NRXN3: variants seen among roughly 807,000 people sequenced by gnomAD.
The protein encoded by NRXN3 is neurexin 3.
Under a neutral mutation model 137.6 loss-of-function variants are expected in NRXN3, and 32 were observed. The observed-to-expected ratio is 0.23, with a 90% confidence interval of 0.18 to 0.31. The LOEUF (loss-of-function observed/expected upper bound fraction) is 0.31, where lower values mean the gene tolerates loss of function less well. Ranked by LOEUF, NRXN3 falls within the 10% of genes least tolerant of loss-of-function variation. The probability of loss-of-function intolerance (pLI) is 1.00; values close to 1 mark genes in which losing one functional copy is unlikely to be tolerated. For missense variants in NRXN3, 1,574 were observed against 2,062.5 expected (o/e 0.76, Z 4.59); for synonymous variants, 798 against 784.5 (o/e 1.02, Z -0.29).
intron 16 of NRXN3, among the ~76,000 whole-genome samples, chr14:79,601,625 G>T (rs2097922957): frequency 6.6e-6 from 1 of 152,126 alleles, no homozygotes; most frequent in African/African-American, 2.4e-5. Flanking sequence ...GTTTTCTGCA[G>T]CAGACTACAC....
chr14:78,423,584 G>C (rs1312387767), intron 4 of NRXN3, among the ~76,000 whole-genome samples: 1 of 152,194 alleles, frequency 6.6e-6, no homozygotes, highest in Admixed American at 6.5e-5. Context: ...GGAGACAGAA[G>C]TATGTTAATT....
chr14:78,960,162 G>A (rs1331379310), intron 11 of NRXN3, among the ~76,000 whole-genome samples: 3 of 152,058 alleles, frequency 2.0e-5, no homozygotes, highest in African/African-American at 4.8e-5. Flanking sequence ...ATTTTCAGAC[G>A]TGTCCCCCCA....
rs993034986 is a variant in NRXN3, at chr14:79,643,272, A to G, written c.3445-20506A>G. The stretch of plus-strand genomic sequence containing the variant: ...ATGCTATCTCACCACATCACAGTAT[A>G]GCTGCTACTATTCCTCCTGTCTTCC... On this transcript the variant is annotated intron_variant, in intron 16 of 20. Coordinates refer to ENST00000335750, the MANE Select transcript of NRXN3 (RefSeq NM_001330195.2). Among the ~76,000 whole-genome samples, 11 of 135,940 alleles carry G rather than the reference A, an allele frequency of 8.1e-5. 4 individuals carry two copies. The highest frequency in any genetic ancestry group is 1.2e-4 in the Non-Finnish European group (7 of 58,428). The allele number at this position is 135,940 out of a possible 152,430, so 89.2% of individuals were successfully genotyped here.
chr14:78,929,874 T>C (rs1218639444), intron 10 of NRXN3, among the ~76,000 whole-genome samples: 1 of 152,194 alleles, frequency 6.6e-6, no homozygotes, highest in Non-Finnish European at 1.5e-5. Flanking sequence ...TATTTCAATT[T>C]TCTCATGTCT....
intron 1 of NRXN3, among the ~76,000 whole-genome samples, chr14:78,173,237 C>T (rs1161192841): frequency 4.0e-5 from 6 of 151,438 alleles, no homozygotes; most frequent in African/African-American, 7.3e-5. Context: ...CCCTTTCTCT[C>T]GCTCCTGGAA....
At chr14:78,601,281 C>T (rs192361896) in intron 4 of NRXN3, among the ~76,000 whole-genome samples, 2 of 152,222 alleles carry the variant, frequency 1.3e-5, no homozygotes, top group East Asian at 3.9e-4. Context: ...TTTGCAATGA[C>T]TTCACTTTCC....
chr14:78,258,991 G>A (rs2070179235), intron 2 of NRXN3, among the ~76,000 whole-genome samples: 2 of 152,044 alleles, frequency 1.3e-5, no homozygotes, highest in South Asian at 2.1e-4. Flanking sequence ...AATTAGCTGG[G>A]CGTGGTGGCG....
intron 17 of NRXN3, among the ~76,000 whole-genome samples, chr14:79,673,751 A>C (rs2098624884): frequency 6.6e-6 from 1 of 152,086 alleles, no homozygotes; most frequent in Admixed American, 6.6e-5. Flanking sequence ...AGGATCCTCA[A>C]GTGTAGTTGA....
chr14:78,833,561 T>A (rs904362735), intron 10 of NRXN3, among the ~76,000 whole-genome samples: 3 of 152,158 alleles, frequency 2.0e-5, no homozygotes, highest in Non-Finnish European at 2.9e-5. Context: ...AAGAAAAGCA[T>A]CAAAAGAACT....
In NRXN3 at chr14:79,265,293, CA is replaced by C. The variant is rs2078298719; in HGVS notation, c.3263-201927del. On this transcript the variant is annotated intron_variant, in intron 15 of 20. Transcript: ENST00000335750. Reference sequence around the variant, plus strand: ...TTTTTCTTTAACTATAATGGAGGATCAGGGGCTGAGAAGAAAAGGCCAAGAG... The same window carrying C: ...TTTTTCTTTAACTATAATGGAGGATCGGGGCTGAGAAGAAAAGGCCAAGAG... Among the ~76,000 whole-genome samples the C allele has an allele frequency of 3.7e-5, 5 of 134,416 alleles. No individual in the cohort carries two copies. The South Asian group carries it at 7.3e-4, about 20-fold the overall frequency. The allele number at this position is 134,416 out of a possible 152,430, so 88.2% of individuals were successfully genotyped here.
At chr14:79,852,884 C>A (rs1603619832) in intron 20 of NRXN3, among the ~76,000 whole-genome samples, 1 of 151,064 alleles carries the variant, frequency 6.6e-6, no homozygotes, top group Non-Finnish European at 1.5e-5. Flanking sequence ...ATATATATAT[C>A]AATGTGTTTC....
At chr14:79,383,402 A>G (rs1306351555) in intron 15 of NRXN3, among the ~76,000 whole-genome samples, 2 of 152,174 alleles carry the variant, frequency 1.3e-5, no homozygotes, top group Admixed American at 6.6e-5. Flanking sequence ...TAATTTTACT[A>G]TGAATCCATC....
intron 10 of NRXN3, among the ~76,000 whole-genome samples, chr14:78,915,415 A>G (rs2099252728): frequency 6.7e-6 from 1 of 149,554 alleles, no homozygotes; most frequent in African/African-American, 2.4e-5. Context: ...AACAGAGGGA[A>G]CAAGAGTTTA....
At chr14:79,080,915 T>C (rs2046864380) in intron 15 of NRXN3, among the ~76,000 whole-genome samples, 1 of 152,208 alleles carries the variant, frequency 6.6e-6, no homozygotes. Flanking sequence ...CAGAAGGAAA[T>C]ATACATTATA....
chr14:79,387,587 A>G (rs1220422064), intron 15 of NRXN3, among the ~76,000 whole-genome samples: 2 of 152,252 alleles, frequency 1.3e-5, no homozygotes, highest in East Asian at 3.9e-4. Context: ...ATTTGACCCA[A>G]CCATCCCATT....
intron 6 of NRXN3, among the ~76,000 whole-genome samples, chr14:78,677,411 G>C (rs1369471705): frequency 6.6e-6 from 1 of 151,644 alleles, no homozygotes; most frequent in East Asian, 1.9e-4. Flanking sequence ...AGTAACTGCA[G>C]ATGTGGTGAA....
At position 79,223,042 on chromosome 14, in the gene NRXN3, G is replaced by A. The variant is rs1421945451; in HGVS notation, c.3262+234901G>A. 2.6e-5 allele frequency among the ~76,000 whole-genome samples: 4 copies of A among 152,072 alleles called. No individual in the cohort carries two copies. The East Asian group carries it at 5.8e-4, about 22-fold the overall frequency. ...CAACAATGAAATAACCAAAGCCTTA[G>A]TAATCTTAATTAGAGATTATCTTCT... On this transcript the variant is annotated intron_variant, in intron 15 of 20. Coordinates refer to ENST00000335750, the MANE Select transcript of NRXN3 (RefSeq NM_001330195.2).
chr14:78,809,677 G>C (rs7493455), intron 9 of NRXN3, among the ~76,000 whole-genome samples: 152,021 of 152,312 alleles, frequency 1, 75,865 homozygotes, highest in Non-Finnish European at 1. Context: ...GATGGCAAGT[G>C]TGCCTATGCA....
Position 79,738,303 on chromosome 14 carries a change from G to A in NRXN3, c.4014+40366G>A, listed in dbSNP as rs574794989. Among the ~76,000 whole-genome samples the A allele has an allele frequency of 4.4e-5, 6 of 136,634 alleles. 1 individual carries two copies. The South Asian group carries it at 1.4e-3, about 31-fold the overall frequency. The allele number at this position is 136,634 out of a possible 152,430, so 89.6% of individuals were successfully genotyped here. ...TCCTTATAAGAGTGAGGCAGAGGGG[G>A]CATTTCCCCCGCCACACACACACAC... is the stretch of plus-strand genomic sequence containing the variant. On this transcript the variant is annotated intron_variant, in intron 19 of 20. Coordinates refer to ENST00000335750, the MANE Select transcript of NRXN3 (RefSeq NM_001330195.2).
Sources: allele counts gnomAD v4.1 joint callset (sites outside exome capture counted in the v4.1 genomes callset), GRCh38; gene constraint gnomAD v4.1.1; transcripts MANE v1.5; gene names NCBI Gene and HGNC (gene_info 2026-07-23, HGNC 2026-07-21).